The following MSRA variants were observed in gnomAD, a reference collection of about 807,000 sequenced individuals.
MSRA encodes the protein mitochondrial peptide methionine sulfoxide reductase.
A neutral mutation model predicts 31.3 loss-of-function variants in MSRA; 54 were observed. That is an observed-to-expected ratio of 1.73 (90% CI 1.39 to 2.17). The LOEUF (loss-of-function observed/expected upper bound fraction) is 2.17. Among genes scored for constraint, MSRA ranks in the 30% most tolerant of loss-of-function variants. The pLI, the probability that MSRA is intolerant of heterozygous loss-of-function variation, is 0.00. For missense variants in MSRA, 507 were observed against 300.9 expected, an observed-to-expected ratio of 1.69 and a Z score of -5.07; for synonymous variants, 169 against 116.5, an observed-to-expected ratio of 1.45 and a Z score of -2.90.
intron 1 of MSRA, among the ~76,000 whole-genome samples, chr8:10,091,040 G>A (rs1798826531): frequency 6.6e-6 from 1 of 152,158 alleles, no homozygotes; most frequent in Non-Finnish European, 1.5e-5. Flanking sequence ...AGATGATCGT[G>A]TGGGTTCTGA....
chr8:10,185,126 C>T (rs1162630673), intron 1 of MSRA, among the ~76,000 whole-genome samples: 4 of 152,162 alleles, frequency 2.6e-5, no homozygotes, highest in Admixed American at 6.5e-5. Flanking sequence ...TTTGCAGAGC[C>T]CCTGCTGATC....
rs538404658 is a variant in MSRA at position 10,351,498 on chromosome 8, C to T, written c.543+31509C>T. On this transcript the variant is annotated intron_variant, in intron 5 of 5. Coordinates refer to ENST00000317173, the MANE Select transcript of MSRA (RefSeq NM_012331.5). Reference sequence around the variant, plus strand: ...CGGTCTCTTGACCTCATGATCCACCCGCTTCAGCCTCCCAAAGTGCTGGGA... The same window carrying T: ...CGGTCTCTTGACCTCATGATCCACCTGCTTCAGCCTCCCAAAGTGCTGGGA... Among the ~76,000 whole-genome samples the T allele has an allele frequency of 2.5e-3, 383 of 152,254 alleles. 2 individuals carry two copies. Among genetic ancestry groups the T allele is most frequent in the Non-Finnish European group, 3.7e-3 (249 of 68,020 alleles).
At chr8:10,071,278 G>A (rs753020003) in intron 1 of MSRA, among the ~76,000 whole-genome samples, 6 of 152,104 alleles carry the variant, frequency 3.9e-5, no homozygotes, top group Non-Finnish European at 7.4e-5. Context: ...CTTTTAATGT[G>A]CTTGTTTGTC....
intron 1 of MSRA, among the ~76,000 whole-genome samples, chr8:10,146,606 C>T (rs554654558): frequency 3.3e-5 from 5 of 152,090 alleles, no homozygotes; most frequent in African/African-American, 9.6e-5. Flanking sequence ...TGGAATGTGG[C>T]GGCGGTTGTA....
chr8:10,167,598 C>G (rs140464478), intron 1 of MSRA, among the ~76,000 whole-genome samples: 465 of 152,260 alleles, frequency 3.1e-3, no homozygotes, highest in Non-Finnish European at 5.0e-3. Flanking sequence ...TCTAGTAATT[C>G]TAGCATGCAA....
intron 2 of MSRA, among the ~76,000 whole-genome samples, chr8:10,217,287 C>T (rs978865192): frequency 5.3e-5 from 8 of 152,206 alleles, no homozygotes; most frequent in Non-Finnish European, 1.2e-4. Flanking sequence ...GAGTGAGCGG[C>T]GCGCAAGTCT....
At chr8:10,232,450 A>T (rs1250438915) in intron 2 of MSRA, among the ~76,000 whole-genome samples, 3 of 152,134 alleles carry the variant, frequency 2.0e-5, no homozygotes, top group African/African-American at 7.2e-5. Flanking sequence ...TATGTAGTGA[A>T]CCCATAGGAC....
At position 10,225,243 on chromosome 8, in the gene MSRA, G is replaced by C. The variant is rs535152815; in HGVS notation, c.211+17342G>C. ...CACTGCACACCCTCCCATGTATTCAGTTGAAACCCTACTCTTCCTTGAAGT... is the reference window on the plus strand; with the variant it reads ...CACTGCACACCCTCCCATGTATTCACTTGAAACCCTACTCTTCCTTGAAGT... On this transcript the variant is annotated intron_variant, in intron 2 of 5. Transcript: ENST00000317173. Among the ~76,000 whole-genome samples, 7 of 152,312 alleles carry C rather than the reference G, an allele frequency of 4.6e-5. No homozygotes were observed. The South Asian group carries it at 1.0e-3, about 23-fold the overall frequency.
chr8:10,086,150 G>A (rs374274982), intron 1 of MSRA, among the ~76,000 whole-genome samples: 3 of 152,254 alleles, frequency 2.0e-5, no homozygotes, highest in East Asian at 3.9e-4. Flanking sequence ...TATATTCCCA[G>A]CAGCAATGTA....
intron 3 of MSRA, among the ~76,000 whole-genome samples, chr8:10,297,242 C>A (rs1483409196): frequency 6.6e-6 from 1 of 152,146 alleles, no homozygotes; most frequent in African/African-American, 2.4e-5. Flanking sequence ...CTTTAATCAA[C>A]CCCTCTCCAT....
chr8:10,335,256 T>TTTG (rs1554530433), intron 5 of MSRA, among the ~76,000 whole-genome samples: 10 of 146,924 alleles, frequency 6.8e-5, no homozygotes, highest in Non-Finnish European at 1.5e-4. Context: ...CTCTGTTTTT[T>TTTG]TTTTTTTTTT....
chr8:10,366,943 G>A lies in MSRA; in HGVS notation c.543+46954G>A, dbSNP rs895051391. ...TGTGATATTGTTGTGTTCCGGTTGGGCCTTATAATTAAGTAGTCTCCCCTT... is the reference window on the plus strand; with the variant it reads ...TGTGATATTGTTGTGTTCCGGTTGGACCTTATAATTAAGTAGTCTCCCCTT... On this transcript the variant is annotated intron_variant, in intron 5 of 5. Coordinates refer to ENST00000317173, the MANE Select transcript of MSRA (RefSeq NM_012331.5). 2.0e-5 allele frequency among the ~76,000 whole-genome samples: 3 copies of A among 152,194 alleles called. No homozygotes were observed. The East Asian group carries it at 5.8e-4, about 29-fold the overall frequency.
rs1216516538 is a variant in MSRA at position 10,382,100 on chromosome 8, CT to C, written c.544-46047del. ...GTGAAGTTAAGTGGCTTTCTAGAAG[CT>C]CTACTGCCCCCAGTGACCGCTGGAC... On this transcript the variant is annotated intron_variant, in intron 5 of 5. Coordinates refer to ENST00000317173, the MANE Select transcript of MSRA (RefSeq NM_012331.5). Among the ~76,000 whole-genome samples the C allele has an allele frequency of 2.6e-4, 40 of 152,356 alleles. 1 individual carries two copies. Among genetic ancestry groups the C allele is most frequent in the Non-Finnish European group, 1.9e-4 (13 of 68,040 alleles).
At chr8:10,235,386 G>A (rs539197198) in intron 2 of MSRA, among the ~76,000 whole-genome samples, 38 of 152,172 alleles carry the variant, frequency 2.5e-4, no homozygotes, top group African/African-American at 4.8e-4. Context: ...ATATCTATAC[G>A]TGAGATGTAT....
Position 10,418,788 on chromosome 8 carries a change from T to C in MSRA, c.544-9360T>C, listed in dbSNP as rs547484557. Among the ~76,000 whole-genome samples the C allele has an allele frequency of 2.2e-5, 3 of 138,238 alleles. No homozygotes were observed. In the East Asian group the frequency reaches 6.3e-4, roughly 29 times the overall value. 90.7% of individuals were successfully genotyped at this position (138,238 alleles called of 152,430 possible). A position where few individuals can be genotyped will look rare whatever the true frequency, so the allele number is the denominator to read the frequency against. ...CTTAAAAATGGCTAAGATAGTACAT[T>C]TTATGTTATGTGTATTTTACTACGA... On this transcript the variant is annotated intron_variant, in intron 5 of 5. Transcript: ENST00000317173.
chr8:10,358,533 G>A (rs528404993), intron 5 of MSRA, among the ~76,000 whole-genome samples: 1 of 133,314 alleles, frequency 7.5e-6, no homozygotes, highest in African/African-American at 2.8e-5. Flanking sequence ...CCTCAGCTCC[G>A]CCTCCTGTCA....
At chr8:10,139,339 T>A (rs745583248) in intron 1 of MSRA, among the ~76,000 whole-genome samples, 3 of 152,248 alleles carry the variant, frequency 2.0e-5, no homozygotes, top group Non-Finnish European at 4.4e-5. Flanking sequence ...AAAAATAGCA[T>A]GTTTTAAACC....
chr8:10,095,193 A>G (rs1462894291), intron 1 of MSRA, among the ~76,000 whole-genome samples: 1 of 152,228 alleles, frequency 6.6e-6, no homozygotes, highest in Non-Finnish European at 1.5e-5. Flanking sequence ...AAAGTTACAT[A>G]CATCTCTTCT....
At chr8:10,130,614 G>A (rs1801828126) in intron 1 of MSRA, among the ~76,000 whole-genome samples, 1 of 152,142 alleles carries the variant, frequency 6.6e-6, no homozygotes, top group Admixed American at 6.6e-5. Flanking sequence ...GCGTCACTAT[G>A]CACACACACA....
Sources: allele counts gnomAD v4.1 joint callset (sites outside exome capture counted in the v4.1 genomes callset), GRCh38; gene constraint gnomAD v4.1.1; transcripts MANE v1.5; gene names NCBI Gene and HGNC (gene_info 2026-07-23, HGNC 2026-07-21).